Variants in ASMTL observed in about 807,000 individuals in gnomAD.
The protein encoded by ASMTL is acetylserotonin O-methyltransferase like.
In ASMTL, 57 loss-of-function variants were observed where a neutral mutation model predicts 60.3. The ratio of observed to expected loss-of-function variants is 0.95; its 90% CI spans 0.76 to 1.18. The LOEUF (loss-of-function observed/expected upper bound fraction) is 1.18, where lower values mean the gene tolerates loss of function less well. Ranked by LOEUF, ASMTL falls within the 50% of genes most tolerant of loss-of-function variation. The probability of loss-of-function intolerance (pLI) is 0.00; values close to 1 mark genes in which losing one functional copy is unlikely to be tolerated. For synonymous variants in ASMTL, 419 were observed against 373.0 expected (o/e 1.12, Z -1.42); for missense variants, 981 against 852.6 (o/e 1.15, Z -1.88).
chrX:1,444,672 C>T (rs2091196489), intron 1 of ASMTL, among the ~76,000 whole-genome samples: 1 of 152,126 alleles, frequency 6.6e-6, no homozygotes, highest in Non-Finnish European at 1.5e-5. Flanking sequence ...GGCCCTCTGA[C>T]CCTGTCCTTT....
At chrX:1,416,050 C>T (rs748179801) in intron 11 of ASMTL, among the ~76,000 whole-genome samples, 4,012 of 149,250 alleles carry the variant, frequency 0.027, 185 homozygotes, top group African/African-American at 0.095. Context: ...GACAGGCACA[C>T]GCGCACAGAG....
chrX:1,405,964 A>T (rs1294150349), intron 12 of ASMTL, among the ~76,000 whole-genome samples: 6 of 149,122 alleles, frequency 4.0e-5, no homozygotes, highest in Admixed American at 4.0e-4. Context: ...ATGGTAGATG[A>T]TGGGTACGTA....
At chrX:1,440,326 G>A (rs755524515) in intron 2 of ASMTL, among the ~76,000 whole-genome samples, 259 of 152,038 alleles carry the variant, frequency 1.7e-3, no homozygotes, top group African/African-American at 6.0e-3. Flanking sequence ...TCCTGACCTC[G>A]TGATCCGCCC....
Position 1,421,802 on chromosome X carries a change from C to A in ASMTL, c.1101G>T (p.Ser367=), listed in dbSNP as rs4590613. 1 of 1,613,626 alleles carries A rather than the reference C, an allele frequency of 6.2e-7. No homozygotes were observed. Among genetic ancestry groups the A allele is most frequent in the African/African-American group, 1.3e-5 (1 of 74,822 alleles). The change falls in exon 9 of 13, where the codon TCG becomes TCT. Residue 367 remains serine (S), a synonymous_variant. Coordinates refer to ENST00000381317, the MANE Select transcript of ASMTL (RefSeq NM_004192.4). ...AGCCGTGCAGAGAGTATTCGCCATC[C>A]GATGCCAGGTAGACGTTCGCTGTCT... The part of the protein sequence containing the change: ...NTETANVYLA[S]DGEYSLHGFI...
chrX:1,452,625 C>T (rs1474373164), intron 1 of ASMTL, 123 bp downstream of exon 1: 3 of 766,324 alleles, frequency 3.9e-6, no homozygotes, highest in Non-Finnish European at 6.1e-6. Context: ...TCTCCCCTCC[C>T]CCATCCCTAA....
chrX:1,411,380 C>T (rs1259253059), intron 12 of ASMTL, among the ~76,000 whole-genome samples: 1 of 152,156 alleles, frequency 6.6e-6, no homozygotes, highest in Admixed American at 6.6e-5. Flanking sequence ...AGCAACAACG[C>T]TGAACTCTTG....
chrX:1,422,532 A>C (rs1309313585), intron 8 of ASMTL, among the ~76,000 whole-genome samples: 1 of 152,104 alleles, frequency 6.6e-6, no homozygotes, highest in Non-Finnish European at 1.5e-5. Context: ...CTTCATGCCC[A>C]GGTCAGCTGT....
In ASMTL at chrX:1,419,209, C is replaced by T. The variant is rs2090406005; in HGVS notation, c.1246-95G>A. The T allele has an allele frequency of 2.8e-6, 4 of 1,451,962 alleles. No individual in the cohort carries two copies. The Admixed American group carries it at 5.9e-5, about 22-fold the overall frequency. 89.9% of individuals were successfully genotyped at this position (1,451,962 alleles called of 1,614,324 possible). ...GGTCGGGGGGAGAAGTGCAGGGCTC[C>T]AGAGCGTGGGGGCTCAGCCGCGCCT... is the stretch of plus-strand genomic sequence containing the variant. On this transcript the variant is annotated intron_variant, in intron 9 of 12. Transcript: ENST00000381317.
At chrX:1,430,597 C>A (rs1253354336) in intron 6 of ASMTL, among the ~76,000 whole-genome samples, 1 of 151,504 alleles carries the variant, frequency 6.6e-6, no homozygotes, top group Non-Finnish European at 1.5e-5. Flanking sequence ...ATAGTGAGAC[C>A]CCATTGCTAC....
intron 9 of ASMTL, among the ~76,000 whole-genome samples, chrX:1,419,658 C>T (rs1352651389): frequency 6.6e-6 from 1 of 152,138 alleles, no homozygotes; most frequent in Non-Finnish European, 1.5e-5. Flanking sequence ...AGTGCTGTGT[C>T]CAGGGTTCGC....
Position 1,423,292 on chromosome X carries a change from A to G in ASMTL, c.1061-1450T>C, listed in dbSNP as rs2090527327. Among the ~76,000 whole-genome samples the G allele has an allele frequency of 5.9e-5, 9 of 152,006 alleles. No individual in the cohort carries two copies. In the South Asian group the frequency reaches 1.9e-3, roughly 32 times the overall value. On this transcript the variant is annotated intron_variant, in intron 8 of 12. Transcript: ENST00000381317. ...TGGTCCTGAACTGCTCTGGCTGGGG[A>G]AGATGTTCTGGCTTCTATGTTCCAG... is the stretch of plus-strand genomic sequence containing the variant.
At chrX:1,418,202 T>C (rs1201938678) in intron 10 of ASMTL, 86 bp from the exon 11 acceptor site, 1 of 1,430,352 alleles carries the variant, frequency 7.0e-7, no homozygotes, top group Non-Finnish European at 9.4e-7. Flanking sequence ...GCAGAAGTAA[T>C]GTTCAAGGGC....
In ASMTL at chrX:1,417,760, TCCATGTCACAGGTATG is replaced by T. The variant is rs2090348060; in HGVS notation, c.1522+197_1522+212del. On this transcript the variant is annotated intron_variant, in intron 11 of 12. Transcript: ENST00000381317. The stretch of plus-strand genomic sequence containing the variant: ...CAGACATGCTCACGCACAGACATGC[TCCATGTCACAGGTATG>T]CTCCAGGGCATACCACACACATGCA... 2.8e-3 allele frequency among the ~76,000 whole-genome samples: 3 copies of T among 1,078 alleles called. No individual in the cohort carries two copies. The Admixed American group carries it at 0.037, about 13-fold the overall frequency. The allele number at this position is 1,078 out of a possible 152,430, so 0.7% of individuals were successfully genotyped here.
At chrX:1,446,988 CCTTTTT>C (rs2091243098) in intron 1 of ASMTL, among the ~76,000 whole-genome samples, 2 of 152,258 alleles carry the variant, frequency 1.3e-5, no homozygotes, top group South Asian at 4.1e-4. Context: ...GCATTCTTTT[CCTTTTT>C]CTTTTTCTCC....
Position 1,427,869 on chromosome X carries a change from G to A in ASMTL, c.762C>T (p.Gly254=), listed in dbSNP as rs767722193. ...GGSEPTQRDA[G]SRDEKAEAGE... is the part of the protein sequence containing the mutation. ...CCGCCTCGGCCTTCTCATCGCGGCT[G>A]CCCGCGTCCCTCTGAGTGGGCTCCG... The change falls in exon 7 of 13, where the codon GGC becomes GGT. Residue 254 remains glycine (G), a synonymous_variant. Transcript: ENST00000381317. 7 of 1,613,120 alleles carry A rather than the reference G, an allele frequency of 4.3e-6. No homozygotes were observed. The highest frequency in any genetic ancestry group is 5.9e-6 in the Non-Finnish European group (7 of 1,179,846).
chrX:1,427,301 C>T lies in ASMTL; in HGVS notation c.897+433G>A, dbSNP rs776189800. ...CATCTGTAGTGGACTGAACTGTGGT[C>T]CTCCTGAAAGATCTGTCCATATCCT... is the stretch of plus-strand genomic sequence containing the variant. On this transcript the variant is annotated intron_variant, in intron 7 of 12. Coordinates refer to ENST00000381317, the MANE Select transcript of ASMTL (RefSeq NM_004192.4). Among the ~76,000 whole-genome samples the T allele has an allele frequency of 9.2e-5, 14 of 151,488 alleles. No individual in the cohort carries two copies. The East Asian group carries it at 2.7e-3, about 30-fold the overall frequency.
In ASMTL at chrX:1,405,264, G is replaced by A. The variant is rs750610265; in HGVS notation, c.1646-1775C>T. ...TGAACAGATGGTAGATGATGGGTACGTAGATAGATGAGTGGATGGATAGAT... is the reference window on the plus strand; with the variant it reads ...TGAACAGATGGTAGATGATGGGTACATAGATAGATGAGTGGATGGATAGAT... On this transcript the variant is annotated intron_variant, in intron 12 of 12. Coordinates refer to ENST00000381317, the MANE Select transcript of ASMTL (RefSeq NM_004192.4). Among the ~76,000 whole-genome samples the A allele has an allele frequency of 1.2e-4, 17 of 141,004 alleles. No individual in the cohort carries two copies. The East Asian group carries it at 2.0e-3, about 16-fold the overall frequency. 92.5% of individuals were successfully genotyped at this position (141,004 alleles called of 152,430 possible).
chrX:1,422,270 GCA>G (rs1315125603), intron 8 of ASMTL, among the ~76,000 whole-genome samples: 15 of 152,172 alleles, frequency 9.9e-5, no homozygotes, highest in South Asian at 6.2e-4. Flanking sequence ...CCCAAAATGT[GCA>G]TTGGCCTCAT....
rs1337716408 is a variant in ASMTL, at chrX:1,407,790, G to A, written c.1646-4301C>T. On this transcript the variant is annotated intron_variant, in intron 12 of 12. Transcript: ENST00000381317. ...GAGACAGGGTGGAGAGAGGGAGGAA[G>A]AGACAGAGAAGATAAAGGAGGAAGG... Among the ~76,000 whole-genome samples the A allele has an allele frequency of 1.2e-4, 18 of 151,902 alleles. 1 individual carries two copies. The highest frequency in any genetic ancestry group is 1.2e-3 in the Admixed American group (18 of 15,238).
Sources: gnomAD v4.1 joint callset for allele counts (sites outside exome capture counted in the v4.1 genomes callset) on GRCh38, gnomAD v4.1.1 for gene constraint, MANE v1.5 for transcripts, NCBI Gene and HGNC (gene_info 2026-07-23, HGNC 2026-07-21) for gene names.